Variants in NLRP7 observed in about 807,000 individuals in gnomAD.
NLRP7 encodes NLR family pyrin domain containing 7.
NLRP7 carries 72 observed loss-of-function variants against 85.5 expected under a neutral mutation model. The observed-to-expected ratio is 0.84, with a 90% confidence interval of 0.70 to 1.02. NLRP7 has a LOEUF of 1.02. Among genes scored for constraint, NLRP7 ranks in the 50% least tolerant of loss-of-function variants. The probability of loss-of-function intolerance (pLI) is 0.00; values close to 1 mark genes in which losing one functional copy is unlikely to be tolerated. For synonymous variants in NLRP7, 550 were observed against 505.2 expected, an observed-to-expected ratio of 1.09 and a Z score of -1.19; for missense variants, 1,243 against 1,219.5, an observed-to-expected ratio of 1.02 and a Z score of -0.29.
chr19:54,951,150 A>C (rs1210104647), upstream of NLRP7, among the ~76,000 whole-genome samples: 2 of 152,222 alleles, frequency 1.3e-5, no homozygotes, highest in African/African-American at 4.8e-5. Context: ...ATCTCAAGGC[A>C]GAAGAATTTG....
At chr19:54,927,557 AAAAAAC>A (rs1273520922) in intron 9 of NLRP7, 42 bp downstream of exon 10, 2 of 1,553,262 alleles carry the variant, frequency 1.3e-6, no homozygotes, top group Non-Finnish European at 1.7e-6. Context: ...CTCCATCTCA[AAAAAAC>A]AAAAACAAAA....
rs1244819421 is a variant in NLRP7 at position 54,934,940 on chromosome 19, A to G, written c.2301-281T>C. Among the ~76,000 whole-genome samples, 2 of 151,932 alleles carry G rather than the reference A, an allele frequency of 1.3e-5. No individual in the cohort carries two copies. Among genetic ancestry groups the G allele is most frequent in the Non-Finnish European group, 2.9e-5 (2 of 67,968 alleles). ...TTGAACTCCTGACCTCAGGTGATCCACCCACCTTGGCCTACCGAAGTACTG... is the reference window on the plus strand; with the variant it reads ...TTGAACTCCTGACCTCAGGTGATCCGCCCACCTTGGCCTACCGAAGTACTG... On this transcript the variant is annotated intron_variant, in intron 6 of 9. Coordinates refer to ENST00000340844, the Ensembl canonical transcript of NLRP7. The surrounding 1 kb of genome is among the most constrained non-coding windows in gnomAD (Gnocchi z 6.7).
chr19:54,949,672 G>C (rs778943414), upstream of NLRP7, among the ~76,000 whole-genome samples: 5 of 152,102 alleles, frequency 3.3e-5, no homozygotes, highest in African/African-American at 4.8e-5. Flanking sequence ...TCAGTGATTA[G>C]ACATTGGGAA....
chr19:54,948,341 G>A (rs1223927757), upstream of NLRP7, among the ~76,000 whole-genome samples: 1 of 152,020 alleles, frequency 6.6e-6, no homozygotes, highest in Non-Finnish European at 1.5e-5. Context: ...GCACGATCAC[G>A]CCATTGCACT....
chr19:54,946,497 CTTT>C (rs35052489), intron 1 of NLRP7, among the ~76,000 whole-genome samples: 1 of 140,684 alleles, frequency 7.1e-6, no homozygotes. Context: ...GCCCAGCCTA[CTTT>C]TTTTTTTTTT....
At chr19:54,930,448 C>G (rs746052767) in intron 9 of NLRP7, 51 bp downstream of exon 9, 1 of 1,315,432 alleles carries the variant, frequency 7.6e-7, no homozygotes, top group African/African-American at 1.4e-5. Context: ...GGGGACAGAG[C>G]AAGACCCTGT....
chr19:54,935,786 T>A (rs2146198898), intron 6 of NLRP7, among the ~76,000 whole-genome samples: 1 of 151,572 alleles, frequency 6.6e-6, no homozygotes, highest in Middle Eastern at 3.5e-3. Flanking sequence ...AGATTGATGA[T>A]CCATTCTCCT....
At chr19:54,955,395 A>G (rs1182839015) in intron 1 of NLRP7, among the ~76,000 whole-genome samples, 3 of 152,194 alleles carry the variant, frequency 2.0e-5, no homozygotes, top group Non-Finnish European at 4.4e-5. Flanking sequence ...TGGGCCAGGC[A>G]TGGTGGCACA....
chr19:54,925,539 C>T (rs2068392418), intron 9 of NLRP7, among the ~76,000 whole-genome samples: 1 of 151,842 alleles, frequency 6.6e-6, no homozygotes, highest in Admixed American at 6.6e-5. Context: ...TGCACAGTGG[C>T]TCACGCCTGC....
chr19:54,937,971 A>T, intron 5 of NLRP7, 73 bp downstream of exon 5: 1 of 1,224,488 alleles, frequency 8.2e-7, no homozygotes, highest in Non-Finnish European at 1.2e-6. Flanking sequence ...CACATTTCCA[A>T]ATTTAAAAAA....
chr19:54,936,278 G>A lies in NLRP7; in HGVS notation c.2283C>T (p.Cys761=), dbSNP rs766033860. ...AGACCCACCTCAGGTACTGCAGGTT[G>A]CATTTATGATTTCTGAGCAGGTCAC... Residue 761 remains cysteine, a synonymous_variant, in exon 6 of 10, where the codon TGC becomes TGT. Transcript: ENST00000340844. The A allele has an allele frequency of 2.0e-5, 32 of 1,613,328 alleles. No individual in the cohort carries two copies. In the Middle Eastern group the frequency reaches 7.2e-4, roughly 36 times the overall value.
intron 9 of NLRP7, among the ~76,000 whole-genome samples, chr19:54,926,515 C>T (rs1202932332): frequency 6.6e-6 from 1 of 152,160 alleles, no homozygotes; most frequent in Non-Finnish European, 1.5e-5. Context: ...CACAGTGGCT[C>T]ACGCCTGTAA....
intron 1 of NLRP7, among the ~76,000 whole-genome samples, chr19:54,962,696 T>A (rs1042476741): frequency 1.3e-5 from 2 of 151,154 alleles, no homozygotes; most frequent in African/African-American, 2.4e-5. Flanking sequence ...GCCTCCCGGG[T>A]TCACGCCATT....
At chr19:54,940,407 A>G (rs748750640) in exon 4 of NLRP7, 51 of 1,613,976 alleles carry the variant, frequency 3.2e-5, no homozygotes, top group Non-Finnish European at 4.2e-5. Context: ...CCTTGCCAAA[A>G]GGTGTTCTTC....
At chr19:54,958,488 A>G (rs2069929933) in intron 1 of NLRP7, among the ~76,000 whole-genome samples, 1 of 151,906 alleles carries the variant, frequency 6.6e-6, no homozygotes, top group South Asian at 2.1e-4. Context: ...AAAAATACAA[A>G]AAGTTAGCTA....
exon 4 of NLRP7, chr19:54,938,901 T>C (rs2069065485): frequency 1.9e-6 from 3 of 1,614,090 alleles, no homozygotes; most frequent in African/African-American, 1.3e-5. Flanking sequence ...TCAAATTCAA[T>C]GTCCAGTTCA....
chr19:54,943,666 C>T (rs1464885416), intron 1 of NLRP7, among the ~76,000 whole-genome samples: 3 of 152,144 alleles, frequency 2.0e-5, no homozygotes, highest in African/African-American at 7.2e-5. Flanking sequence ...CTTGCCAAGC[C>T]CGGGTGCTGA....
chr19:54,961,327 G>A (rs1427670585), intron 1 of NLRP7, among the ~76,000 whole-genome samples: 3 of 151,772 alleles, frequency 2.0e-5, no homozygotes, highest in Admixed American at 2.0e-4. Context: ...CCCGGCCAAG[G>A]TGGTGAAACC....
intron 1 of NLRP7, among the ~76,000 whole-genome samples, chr19:54,952,529 G>A (rs1002493557): frequency 1.1e-4 from 16 of 151,808 alleles, no homozygotes; most frequent in Non-Finnish European, 2.4e-4. Flanking sequence ...GGGAGGCGGA[G>A]GTTGCAGTGA....
Sources: allele counts gnomAD v4.1 joint callset (sites outside exome capture counted in the v4.1 genomes callset), GRCh38; gene constraint gnomAD v4.1.1; non-coding constraint Gnocchi (gnomAD v3.1); transcripts MANE v1.5; gene names NCBI Gene and HGNC (gene_info 2026-07-23, HGNC 2026-07-21).